Variants in PHACTR1 observed in about 807,000 individuals in gnomAD.
PHACTR1 encodes phosphatase and actin regulator 1, also known as RPEL repeat containing 1.
PHACTR1 carries 16 observed loss-of-function variants against 69.2 expected under a neutral mutation model. The ratio of observed to expected loss-of-function variants is 0.23; its 90% CI spans 0.16 to 0.35. The LOEUF (loss-of-function observed/expected upper bound fraction) is 0.35, where lower values mean the gene tolerates loss of function less well. Among genes scored for constraint, PHACTR1 ranks in the 10% least tolerant of loss-of-function variants. The pLI is 1.00. For synonymous variants in PHACTR1, 312 were observed against 284.5 expected, an observed-to-expected ratio of 1.10 and a Z score of -0.97; for missense variants, 510 against 734.7, an observed-to-expected ratio of 0.69 and a Z score of 3.54.
At chr6:12,731,742 T>C (rs1330560863) in intron 3 of PHACTR1, among the ~76,000 whole-genome samples, 1 of 152,172 alleles carries the variant, frequency 6.6e-6, no homozygotes, top group Non-Finnish European at 1.5e-5. Context: ...GAGCCAGAAT[T>C]ATAATCTTGA....
At chr6:12,800,202 T>G (rs1005324498) in intron 4 of PHACTR1, among the ~76,000 whole-genome samples, 4 of 152,156 alleles carry the variant, frequency 2.6e-5, no homozygotes, top group Admixed American at 1.3e-4. Flanking sequence ...CTAGGCTAGA[T>G]GTTTAGTCAT....
Position 12,871,875 on chromosome 6 carries a change from C to CA in PHACTR1, c.250+122095dup, listed in dbSNP as rs976983940. Reference sequence around the variant, plus strand: ...GCATTGATTAGCTGGTATTGTTCTACAAAAAAAAAACATTCCCTCATCAAA... The same window carrying CA: ...GCATTGATTAGCTGGTATTGTTCTACAAAAAAAAAAACATTCCCTCATCAAA... On this transcript the variant is annotated intron_variant, in intron 4 of 14. Coordinates refer to ENST00000332995, the MANE Select transcript of PHACTR1 (RefSeq NM_030948.6). Among the ~76,000 whole-genome samples the CA allele has an allele frequency of 1.7e-3, 240 of 144,102 alleles. 1 individual carries two copies. The highest frequency in any genetic ancestry group is 7.1e-3 in the Middle Eastern group (2 of 280). 94.5% of individuals were successfully genotyped at this position (144,102 alleles called of 152,430 possible).
chr6:12,858,849 T>G (rs952635854), intron 4 of PHACTR1, among the ~76,000 whole-genome samples: 5 of 151,828 alleles, frequency 3.3e-5, no homozygotes, highest in African/African-American at 1.2e-4. Context: ...ACACACAAAG[T>G]GCAGCTATCA....
chr6:13,064,925 C>T (rs1028484740), intron 5 of PHACTR1, among the ~76,000 whole-genome samples: 14 of 151,938 alleles, frequency 9.2e-5, no homozygotes, highest in Non-Finnish European at 2.1e-4. Flanking sequence ...GCTGGATGAA[C>T]GCCTCAACTC....
intron 2 of PHACTR1, among the ~76,000 whole-genome samples, 197 bp downstream of exon 2, chr6:12,717,940 TGTGA>T (rs1442542202): frequency 2.0e-5 from 3 of 152,120 alleles, no homozygotes; most frequent in East Asian, 1.9e-4. Flanking sequence ...AATTCATTTG[TGTGA>T]GTATCAGGGA....
intron 12 of PHACTR1, among the ~76,000 whole-genome samples, chr6:13,282,367 G>C (rs558574464): frequency 2.0e-5 from 3 of 152,328 alleles, no homozygotes; most frequent in African/African-American, 7.2e-5. Flanking sequence ...TGTTGCTAAA[G>C]TAGAGGAAGG....
chr6:13,277,947 C>CAAA (rs756557633), intron 11 of PHACTR1: 24 of 122,418 alleles, frequency 2.0e-4, no homozygotes, highest in Middle Eastern at 3.7e-3. Context: ...GAGACCGTGT[C>CAAA]AAAAAAAAAA....
At chr6:12,965,848 T>C (rs1459219995) in intron 4 of PHACTR1, among the ~76,000 whole-genome samples, 1 of 152,212 alleles carries the variant, frequency 6.6e-6, no homozygotes, top group Non-Finnish European at 1.5e-5. Flanking sequence ...GAGACTCTGT[T>C]AGTTATTTCC....
rs150050900 is a variant in PHACTR1 at position 12,996,420 on chromosome 6, A to T, written c.251-56945A>T. Among the ~76,000 whole-genome samples the T allele has an allele frequency of 2.0e-4, 30 of 152,334 alleles. 1 individual carries two copies. The East Asian group carries it at 5.4e-3, about 27-fold the overall frequency. The stretch of plus-strand genomic sequence containing the variant: ...TAATTTTAAAATAACTGAAGGAAAT[A>T]TTATGATCAACTTCATGCAAGTAAA... On this transcript the variant is annotated intron_variant, in intron 4 of 14. Transcript: ENST00000332995.
chr6:12,790,717 G>C (rs1772164769), intron 4 of PHACTR1, among the ~76,000 whole-genome samples: 1 of 152,198 alleles, frequency 6.6e-6, no homozygotes, highest in Admixed American at 6.5e-5. Flanking sequence ...GAATCTTAAG[G>C]AAAGTGAAGA....
At chr6:13,013,667 C>A (rs1799713909) in intron 4 of PHACTR1, among the ~76,000 whole-genome samples, 1 of 152,048 alleles carries the variant, frequency 6.6e-6, no homozygotes, top group Admixed American at 6.5e-5. Context: ...GAGCGCCCTG[C>A]CTACCCCCTC....
chr6:12,882,806 AAAT>A (rs1783232471), intron 4 of PHACTR1, among the ~76,000 whole-genome samples: 2 of 152,156 alleles, frequency 1.3e-5, no homozygotes, highest in South Asian at 4.2e-4. Flanking sequence ...TCAATAGAAA[AAAT>A]AATATTCTGT....
rs1290897307 is a variant in PHACTR1, at chr6:13,245,919, T to C, written c.1391+15726T>C. 6.6e-6 allele frequency among the ~76,000 whole-genome samples: 1 copy of C among 152,188 alleles called. No homozygotes were observed. The highest frequency in any genetic ancestry group is 1.5e-5 in the Non-Finnish European group (1 of 68,018). On this transcript the variant is annotated intron_variant, in intron 10 of 14. Coordinates refer to ENST00000332995, the MANE Select transcript of PHACTR1 (RefSeq NM_030948.6). This position sits in a 1 kb window ranked among gnomAD's most constrained non-coding sequence, Gnocchi z 4.1. The stretch of plus-strand genomic sequence containing the variant: ...TGAGTTTCTTCACCCACTTCACAAC[T>C]GTATCATTAGGATCTCAGAGTGTAA...
intron 4 of PHACTR1, among the ~76,000 whole-genome samples, chr6:13,008,880 T>A (rs1799133687): frequency 6.6e-6 from 1 of 152,226 alleles, no homozygotes; most frequent in African/African-American, 2.4e-5. Flanking sequence ...AGGGATGGTG[T>A]AACAAATTAT....
intron 4 of PHACTR1, among the ~76,000 whole-genome samples, chr6:12,815,293 G>A (rs1447642664): frequency 6.6e-6 from 1 of 152,100 alleles, no homozygotes; most frequent in Non-Finnish European, 1.5e-5. Flanking sequence ...TGTATTTCTA[G>A]ACGCTGAAAC....
At chr6:13,058,755 C>A (rs936464144) in intron 5 of PHACTR1, among the ~76,000 whole-genome samples, 1 of 152,102 alleles carries the variant, frequency 6.6e-6, no homozygotes, top group African/African-American at 2.4e-5. Context: ...AAATGAGCAG[C>A]AGAAAGAGCT....
intron 4 of PHACTR1, among the ~76,000 whole-genome samples, chr6:12,770,080 T>C (rs1425922632): frequency 1.3e-5 from 2 of 152,248 alleles, no homozygotes; most frequent in African/African-American, 2.4e-5. Flanking sequence ...AAGCAGGGTA[T>C]GAGTCAGTGA....
chr6:13,242,284 C>A (rs1340744634), intron 10 of PHACTR1, among the ~76,000 whole-genome samples: 1 of 152,158 alleles, frequency 6.6e-6, no homozygotes, highest in Non-Finnish European at 1.5e-5. Context: ...TTCATCAGAA[C>A]CCAATCTCAC....
chr6:12,900,740 C>A (rs1299679232), intron 4 of PHACTR1, among the ~76,000 whole-genome samples: 6 of 152,188 alleles, frequency 3.9e-5, no homozygotes, highest in Non-Finnish European at 8.8e-5. Context: ...AGTCCATGTT[C>A]AGTGCCTGAC....
Sources: gnomAD v4.1 joint callset for allele counts (sites outside exome capture counted in the v4.1 genomes callset) on GRCh38, gnomAD v4.1.1 for gene constraint, Gnocchi (gnomAD v3.1) non-coding constraint, MANE v1.5 for transcripts, NCBI Gene and HGNC (gene_info 2026-07-23, HGNC 2026-07-21) for gene names.